Variants in KMT2C observed in about 807,000 individuals in gnomAD.
KMT2C encodes lysine methyltransferase 2C.
Under a neutral mutation model 507.9 loss-of-function variants are expected in KMT2C, and 88 were observed. The ratio of observed to expected loss-of-function variants is 0.17; its 90% CI spans 0.15 to 0.21. The LOEUF is 0.21. Among genes scored for constraint, KMT2C ranks in the 10% least tolerant of loss-of-function variants. The pLI is 1.00. For synonymous variants in KMT2C, 2,049 were observed against 2,080.8 expected, an observed-to-expected ratio of 0.98 and a Z score of 0.42; for missense variants, 4,954 against 5,957.8, an observed-to-expected ratio of 0.83 and a Z score of 5.55.
chr7:152,299,275 G>A (rs1187094189), intron 6 of KMT2C, among the ~76,000 whole-genome samples: 3 of 151,772 alleles, frequency 2.0e-5, no homozygotes, highest in Admixed American at 6.6e-5. Flanking sequence ...CCGAGATAGC[G>A]CCACTGCACT....
intron 6 of KMT2C, among the ~76,000 whole-genome samples, chr7:152,308,154 G>A (rs1366675375): frequency 2.6e-5 from 4 of 152,100 alleles, no homozygotes; most frequent in Non-Finnish European, 4.4e-5. Flanking sequence ...CACTACTCTT[G>A]AGGTGATGCT....
chr7:152,140,457 A>G (rs964678252), intron 55 of KMT2C, among the ~76,000 whole-genome samples: 1 of 152,234 alleles, frequency 6.6e-6, no homozygotes, highest in Non-Finnish European at 1.5e-5. Flanking sequence ...GTGGCCTGCC[A>G]GGTGCACTAT....
chr7:152,298,077 C>G (rs1029452150), intron 6 of KMT2C, among the ~76,000 whole-genome samples: 1 of 151,468 alleles, frequency 6.6e-6, no homozygotes, highest in Non-Finnish European at 1.5e-5. Flanking sequence ...CTTGAAGATA[C>G]AAGAACAGAC....
At chr7:152,277,064 A>C (rs201549882) in intron 6 of KMT2C, among the ~76,000 whole-genome samples, 1 of 151,884 alleles carries the variant, frequency 6.6e-6, no homozygotes, top group African/African-American at 2.4e-5. Flanking sequence ...CCATAAAACA[A>C]AACAGAATGA....
intron 16 of KMT2C, among the ~76,000 whole-genome samples, chr7:152,235,124 T>A (rs1352349009): frequency 4.0e-5 from 6 of 151,684 alleles, no homozygotes; most frequent in Non-Finnish European, 7.4e-5. Context: ...GCAGGGGGAA[T>A]GCAGAAAATT....
At chr7:152,289,504 A>C (rs2096368916) in intron 6 of KMT2C, among the ~76,000 whole-genome samples, 3 of 152,256 alleles carry the variant, frequency 2.0e-5, no homozygotes, top group Admixed American at 2.0e-4. Context: ...AAACTGAAAT[A>C]AATGCTTTTT....
rs751778409 is a variant in KMT2C at position 152,162,901 on chromosome 7, G to A, written c.10676C>T (p.Ala3559Val). ...VRPSFTPALP[A>V]APPVANSSLP... is the part of the protein sequence containing the mutation. ...ACTGCTATTAGCTACTGGAGGTGCT[G>A]CTGGTAAAGCAGGTGTAAAAGAAGG... Residue 3559 changes from alanine to valine, a missense_variant, in exon 43 of 59, where the codon GCA (alanine) becomes GTA (valine). Physicochemically the swap from Ala to Val is moderately conservative, Grantham distance 64. Around this residue, in one of 29 missense-constraint regions of KMT2C, gnomAD observed 801 missense variants for 751.2 expected, o/e 1.07. Coordinates refer to ENST00000262189, the MANE Select transcript of KMT2C (RefSeq NM_170606.3). The A allele has an allele frequency of 7.4e-6, 12 of 1,614,054 alleles. No individual in the cohort carries two copies. The Admixed American group carries it at 1.8e-4, about 25-fold the overall frequency.
intron 35 of KMT2C, 119 bp from the exon 36 acceptor site, chr7:152,182,713 C>G (rs2093473428): frequency 1.3e-5 from 12 of 918,262 alleles, no homozygotes; most frequent in Non-Finnish European, 1.8e-5. Context: ...AGATTGCTCC[C>G]ATATTAGATT....
chr7:152,387,429 A>G (rs77006665), intron 1 of KMT2C, among the ~76,000 whole-genome samples: 1 of 129,914 alleles, frequency 7.7e-6, no homozygotes, highest in Non-Finnish European at 1.5e-5. Flanking sequence ...CTAGTATGCC[A>G]AAAAAAAAAG....
At chr7:152,141,712 C>CAAAAAAAAAAAAAAAAAA (rs1249621681) in intron 55 of KMT2C, among the ~76,000 whole-genome samples, 2 of 61,872 alleles carry the variant, frequency 3.2e-5, no homozygotes, top group African/African-American at 1.2e-4. Context: ...GACTCTGTCT[C>CAAAAAAAAAAAAAAAAAA]AAAAAAAAAA....
In KMT2C at chr7:152,252,531, T is replaced by G; in HGVS notation, c.1469+15A>C. On this transcript the variant is annotated intron_variant, in intron 10 of 58. Coordinates refer to ENST00000262189, the MANE Select transcript of KMT2C (RefSeq NM_170606.3). ...CAATCGACAAAACAACTGAATAGAA[T>G]AACTATCTTCTTACCTTTTGCACAT... is the stretch of plus-strand genomic sequence containing the variant. The G allele has an allele frequency of 6.2e-7, 1 of 1,601,454 alleles. No individual in the cohort carries two copies. The highest frequency in any genetic ancestry group is 8.5e-7 in the Non-Finnish European group (1 of 1,170,062).
At position 152,389,545 on chromosome 7, in the gene KMT2C, C is replaced by G. The variant is rs143533414; in HGVS notation, c.162-30870G>C. On this transcript the variant is annotated intron_variant, in intron 1 of 58. Coordinates refer to ENST00000262189, the MANE Select transcript of KMT2C (RefSeq NM_170606.3). ...TCACAGCTTACTGCAGCCTCGAACT[C>G]TTGGCCTCAAGCAATCCTCCCAAGT... Among the ~76,000 whole-genome samples the G allele has an allele frequency of 1.8e-3, 273 of 151,952 alleles. 1 individual carries two copies. The highest frequency in any genetic ancestry group is 3.4e-3 in the Admixed American group (52 of 15,250).
At chr7:152,153,075 A>C (rs2091768850) in intron 48 of KMT2C, 121 bp from the exon 49 acceptor site, 8 of 1,293,480 alleles carry the variant, frequency 6.2e-6, no homozygotes, top group South Asian at 4.8e-5. Flanking sequence ...AAAATCCAAC[A>C]AATTTTATTT....
intron 9 of KMT2C, among the ~76,000 whole-genome samples, chr7:152,253,800 TAGAG>T (rs1034027851): frequency 6.6e-6 from 1 of 152,132 alleles, no homozygotes; most frequent in African/African-American, 2.4e-5. Context: ...GTTTTTAGAA[TAGAG>T]AGAGTGTCCT....
chr7:152,275,272 GGGTGGCTCACACCTGTAATCC>G (rs944873338), intron 6 of KMT2C, among the ~76,000 whole-genome samples: 1 of 152,150 alleles, frequency 6.6e-6, no homozygotes, highest in African/African-American at 2.4e-5. Flanking sequence ...TGGCTGGGCC[GGGTGGCTCACACCTGTAATCC>G]CGGCACTTTG....
chr7:152,221,205 C>T (rs536505458), intron 22 of KMT2C, among the ~76,000 whole-genome samples: 194 of 152,170 alleles, frequency 1.3e-3, no homozygotes, highest in Admixed American at 3.1e-3. Context: ...TGCAGTGAGC[C>T]GAGATCGTGC....
chr7:152,340,958 T>C (rs1171923537), intron 2 of KMT2C, among the ~76,000 whole-genome samples: 1 of 152,256 alleles, frequency 6.6e-6, no homozygotes, highest in Non-Finnish European at 1.5e-5. Context: ...ATTTAGTTGT[T>C]ATCAGTATTT....
chr7:152,417,114 T>G (rs981811430), intron 1 of KMT2C, among the ~76,000 whole-genome samples: 3 of 151,634 alleles, frequency 2.0e-5, no homozygotes, highest in Non-Finnish European at 4.4e-5. Flanking sequence ...TATTGCTTGC[T>G]AAGGCATCAA....
rs373237480 is a variant in KMT2C, at chr7:152,180,895, A to G, written c.6965T>C (p.Val2322Ala). Residue 2322 changes from valine to alanine, a missense_variant, in exon 36 of 59, where the codon GTT becomes GCT. By Grantham distance (64) the Val-to-Ala change is moderately conservative. Transcript: ENST00000262189. ...TGATCCAGGCCTTGGCTGATCAGCA[A>G]CATCATGGGCAGTTTGACTTGTTCC... is the stretch of plus-strand genomic sequence containing the variant. The part of the protein sequence containing the change: ...SFGTSQTAHD[V>A]ADQPRPGSEG... 118 of 1,614,172 alleles carry G rather than the reference A, an allele frequency of 7.3e-5. No homozygotes were observed. The East Asian group carries it at 2.2e-3, about 30-fold the overall frequency.
Sources: gnomAD v4.1 joint callset for allele counts (sites outside exome capture counted in the v4.1 genomes callset) on GRCh38, gnomAD v4.1.1 for gene constraint, gnomAD v4.1.1 regional missense constraint, MANE v1.5 for transcripts, NCBI Gene and HGNC (gene_info 2026-07-23, HGNC 2026-07-21) for gene names.